NUAK1: variants seen among roughly 807,000 people sequenced by gnomAD.
The protein encoded by NUAK1 is NUAK family SNF1-like kinase 1.
In NUAK1, 26 loss-of-function variants were observed where a neutral mutation model predicts 56.9. The ratio of observed to expected loss-of-function variants is 0.46; its 90% CI spans 0.33 to 0.63. The LOEUF is 0.63. Ranked by LOEUF, NUAK1 falls within the 30% of genes least tolerant of loss-of-function variation. The pLI, the probability that NUAK1 is intolerant of heterozygous loss-of-function variation, is 0.02. For missense variants in NUAK1, 727 were observed against 876.1 expected (o/e 0.83, Z 2.15); for synonymous variants, 337 against 336.0 (o/e 1.00, Z -0.03).
chr12:106,093,325 T>C (rs2032656210), intron 2 of NUAK1, among the ~76,000 whole-genome samples: 1 of 152,202 alleles, frequency 6.6e-6, no homozygotes, highest in Non-Finnish European at 1.5e-5. Flanking sequence ...CCAACTTAAA[T>C]TATTTTTCTT....
chr12:106,082,589 T>G (rs1399093589), intron 4 of NUAK1, among the ~76,000 whole-genome samples: 1 of 152,210 alleles, frequency 6.6e-6, no homozygotes, highest in East Asian at 1.9e-4. Context: ...AAATAGACCC[T>G]GCGATTCCAC....
At chr12:106,088,151 C>T (rs2032594631) in intron 2 of NUAK1, among the ~76,000 whole-genome samples, 1 of 152,224 alleles carries the variant, frequency 6.6e-6, no homozygotes, top group Non-Finnish European at 1.5e-5. Flanking sequence ...TGTCCAAAGC[C>T]ACTCCATTGC....
intron 1 of NUAK1, among the ~76,000 whole-genome samples, chr12:106,137,158 T>C (rs1182648626): frequency 3.3e-5 from 5 of 152,174 alleles, no homozygotes; most frequent in Non-Finnish European, 5.9e-5. Context: ...TATCCAGATA[T>C]TTGAGAATTT....
intron 1 of NUAK1, among the ~76,000 whole-genome samples, chr12:106,130,819 T>C (rs1220625594): frequency 6.6e-6 from 1 of 152,196 alleles, no homozygotes; most frequent in African/African-American, 2.4e-5. Flanking sequence ...GCTGCATCTA[T>C]TGTGTACCTA....
intron 1 of NUAK1, among the ~76,000 whole-genome samples, chr12:106,119,453 C>T (rs1181825545): frequency 1.3e-5 from 2 of 152,128 alleles, no homozygotes; most frequent in Admixed American, 6.5e-5. Flanking sequence ...CAAAGAAATG[C>T]CATGGATTCC....
At chr12:106,079,138 T>C in intron 4 of NUAK1, among the ~76,000 whole-genome samples, 1 of 152,148 alleles carries the variant, frequency 6.6e-6, no homozygotes, top group East Asian at 1.9e-4. Flanking sequence ...TAAAATGATG[T>C]AATCACACCC....
chr12:106,088,213 A>G (rs1434943589), intron 2 of NUAK1, among the ~76,000 whole-genome samples: 1 of 152,218 alleles, frequency 6.6e-6, no homozygotes, highest in Non-Finnish European at 1.5e-5. Flanking sequence ...GAGCAAGGAT[A>G]AAATAAGCAA....
At chr12:106,125,361 C>T (rs1316759202) in intron 1 of NUAK1, among the ~76,000 whole-genome samples, 13 of 152,178 alleles carry the variant, frequency 8.5e-5, no homozygotes, top group Non-Finnish European at 1.8e-4. Flanking sequence ...ACGGAGGCAA[C>T]TTCTCTGTGC....
chr12:106,124,204 C>G (rs2033004688), intron 1 of NUAK1, among the ~76,000 whole-genome samples: 2 of 152,138 alleles, frequency 1.3e-5, no homozygotes, highest in Non-Finnish European at 2.9e-5. Context: ...GCCTGATTCC[C>G]TAATCCCTCA....
At chr12:106,116,829 T>A (rs1364640320) in intron 1 of NUAK1, among the ~76,000 whole-genome samples, 1 of 152,216 alleles carries the variant, frequency 6.6e-6, no homozygotes, top group Non-Finnish European at 1.5e-5. Flanking sequence ...AAAGCACATC[T>A]ATCAATCAGT....
intron 1 of NUAK1, among the ~76,000 whole-genome samples, chr12:106,111,892 A>C (rs2136474553): frequency 7.3e-6 from 1 of 136,766 alleles, no homozygotes; most frequent in East Asian, 2.1e-4. Context: ...TCCCAAAGTT[A>C]CATAGCCTGT....
chr12:106,098,593 ATCTT>A (rs1357636708), intron 2 of NUAK1, among the ~76,000 whole-genome samples: 1 of 152,176 alleles, frequency 6.6e-6, no homozygotes, highest in Non-Finnish European at 1.5e-5. Context: ...AAGAGATGCA[ATCTT>A]GCATGGCCAA....
intron 6 of NUAK1, among the ~76,000 whole-genome samples, chr12:106,069,632 A>G (rs1481574304): frequency 6.6e-6 from 1 of 152,222 alleles, no homozygotes; most frequent in Non-Finnish European, 1.5e-5. Flanking sequence ...TATATCAATC[A>G]GTTAACAAAA....
At chr12:106,091,890 C>T (rs563486522) in intron 2 of NUAK1, among the ~76,000 whole-genome samples, 1 of 152,268 alleles carries the variant, frequency 6.6e-6, no homozygotes, top group East Asian at 1.9e-4. Flanking sequence ...TCCATATTAT[C>T]CCTACTTTAT....
intron 1 of NUAK1, among the ~76,000 whole-genome samples, chr12:106,107,714 G>A (rs2032816546): frequency 6.6e-6 from 1 of 152,200 alleles, no homozygotes; most frequent in Non-Finnish European, 1.5e-5. Context: ...TTAGGAGCAC[G>A]TGCTACTTCT....
intron 3 of NUAK1, 32 bp downstream of exon 3, chr12:106,086,702 C>T (rs373306870): frequency 1.9e-5 from 30 of 1,583,824 alleles, no homozygotes; most frequent in Middle Eastern, 1.7e-4. Context: ...AAACCATCTA[C>T]GGCCAAAGCT....
At chr12:106,095,060 T>TAC (rs1298670106) in intron 2 of NUAK1, among the ~76,000 whole-genome samples, 1 of 152,130 alleles carries the variant, frequency 6.6e-6, no homozygotes, top group Non-Finnish European at 1.5e-5. Context: ...AGGCTCATGA[T>TAC]ACACACTCCA....
intron 1 of NUAK1, among the ~76,000 whole-genome samples, chr12:106,132,472 C>G (rs2136485840): frequency 6.6e-6 from 1 of 152,344 alleles, no homozygotes; most frequent in Non-Finnish European, 1.5e-5. Context: ...TACCTTGACT[C>G]AAACCCTTAT....
At chr12:106,088,515 G>A (rs912463723) in intron 2 of NUAK1, among the ~76,000 whole-genome samples, 2 of 152,158 alleles carry the variant, frequency 1.3e-5, no homozygotes, top group Non-Finnish European at 2.9e-5. Flanking sequence ...CTGCCTAGAC[G>A]GACAGAGCTA....
Sources: gnomAD v4.1 joint callset for allele counts (sites outside exome capture counted in the v4.1 genomes callset) on GRCh38, gnomAD v4.1.1 for gene constraint, MANE v1.5 for transcripts, NCBI Gene and HGNC (gene_info 2026-07-23, HGNC 2026-07-21) for gene names.